SLC35F4: variants seen among roughly 807,000 people sequenced by gnomAD.
SLC35F4 encodes chromosome 14 open reading frame 36.
In SLC35F4, 24 loss-of-function variants were observed where a neutral mutation model predicts 44.2. That is an observed-to-expected ratio of 0.54 (90% confidence interval 0.39 to 0.76). The LOEUF is 0.76. Ranked by LOEUF, SLC35F4 falls within the 30% of genes least tolerant of loss-of-function variation. SLC35F4 has a pLI of 0.00. For missense variants in SLC35F4, 562 were observed against 586.1 expected, an observed-to-expected ratio of 0.96 and a Z score of 0.42; for synonymous variants, 238 against 223.6, an observed-to-expected ratio of 1.06 and a Z score of -0.57.
At chr14:57,637,532 C>A (rs1165094564) in intron 1 of SLC35F4, among the ~76,000 whole-genome samples, 1 of 152,058 alleles carries the variant, frequency 6.6e-6, no homozygotes, top group Non-Finnish European at 1.5e-5. Flanking sequence ...ACGCAAATGT[C>A]CAAATACATA....
rs148612381 is a variant in SLC35F4, at chr14:57,943,451, A to G, written n.282+38462T>C. Among the ~76,000 whole-genome samples, 759 of 152,340 alleles carry G rather than the reference A, an allele frequency of 5.0e-3. 6 individuals carry two copies. Among genetic ancestry groups the G allele is most frequent in the Non-Finnish European group, 8.3e-3 (562 of 68,032 alleles). On this transcript the variant is annotated intron_variant and non_coding_transcript_variant, in intron 1 of 1. Transcript: ENST00000556568. ...CGCTTTCCAAAAAGAGAGAAACTTT[A>G]TATCATTTGTTGTGATATCTGTGAT...
intron 1 of SLC35F4, among the ~76,000 whole-genome samples, chr14:57,791,822 G>C (rs2077926598): frequency 6.6e-6 from 1 of 152,258 alleles, no homozygotes; most frequent in South Asian, 2.1e-4. Flanking sequence ...CAGGGACATG[G>C]ATAAAGCTGG....
At chr14:57,776,364 A>G (rs1349020203) in intron 1 of SLC35F4, among the ~76,000 whole-genome samples, 2 of 152,162 alleles carry the variant, frequency 1.3e-5, no homozygotes, top group South Asian at 2.1e-4. Flanking sequence ...TTCTGAGATC[A>G]AAATGAAAGA....
intron 1 of SLC35F4, among the ~76,000 whole-genome samples, chr14:57,686,804 T>C (rs1361350109): frequency 6.6e-6 from 1 of 152,152 alleles, no homozygotes; most frequent in Non-Finnish European, 1.5e-5. Context: ...TCTTTATTAA[T>C]TATATTTTTA....
intron 1 of SLC35F4, among the ~76,000 whole-genome samples, chr14:57,918,288 C>T (rs1187838856): frequency 1.3e-5 from 2 of 152,070 alleles, no homozygotes; most frequent in East Asian, 1.9e-4. Context: ...ACTTGGCCAC[C>T]CTGAACCTCC....
chr14:57,647,211 T>C (rs2073567815), intron 1 of SLC35F4, among the ~76,000 whole-genome samples: 1 of 150,958 alleles, frequency 6.6e-6, no homozygotes, highest in African/African-American at 2.4e-5. Context: ...TGTCTAATGT[T>C]GACGGTGGGG....
At chr14:57,786,026 T>G (rs1047383833) in intron 1 of SLC35F4, among the ~76,000 whole-genome samples, 1 of 152,106 alleles carries the variant, frequency 6.6e-6, no homozygotes, top group African/African-American at 2.4e-5. Flanking sequence ...GGGCAAGTTT[T>G]CAAGCCCCCC....
chr14:57,926,847 G>T (rs780774898), intron 1 of SLC35F4, among the ~76,000 whole-genome samples: 3 of 152,078 alleles, frequency 2.0e-5, no homozygotes, highest in Non-Finnish European at 4.4e-5. Context: ...GTTTCCAAAA[G>T]ATGTGCCCAA....
intron 1 of SLC35F4, among the ~76,000 whole-genome samples, chr14:57,818,643 A>C (rs1035224227): frequency 6.6e-6 from 1 of 152,198 alleles, no homozygotes; most frequent in African/African-American, 2.4e-5. Context: ...AACAGGTATT[A>C]AAAAATAAAA....
At chr14:57,781,756 T>C (rs958011442) in intron 1 of SLC35F4, among the ~76,000 whole-genome samples, 2 of 152,214 alleles carry the variant, frequency 1.3e-5, no homozygotes, top group African/African-American at 4.8e-5. Flanking sequence ...ATCATGTCCT[T>C]TGCAGGAAAA....
At chr14:57,678,384 A>T (rs529277620) in intron 1 of SLC35F4, among the ~76,000 whole-genome samples, 1 of 152,212 alleles carries the variant, frequency 6.6e-6, no homozygotes, top group Non-Finnish European at 1.5e-5. Context: ...CTAAACATGG[A>T]AAGGAACAAC....
chr14:57,778,742 TA>T (rs137932442), intron 1 of SLC35F4, among the ~76,000 whole-genome samples: 13,479 of 147,040 alleles, frequency 0.092, 676 homozygotes, highest in Middle Eastern at 0.16. Flanking sequence ...CTCAGCAAAT[TA>T]AAAAAAAAAC....
chr14:57,834,413 A>G (rs1884694610), intron 1 of SLC35F4, among the ~76,000 whole-genome samples: 1 of 152,220 alleles, frequency 6.6e-6, no homozygotes, highest in Non-Finnish European at 1.5e-5. Context: ...TACAGTGCAA[A>G]TAGTGTAAAA....
At position 57,624,114 on chromosome 14, in the gene SLC35F4, G is replaced by A. The variant is rs369781190; in HGVS notation, c.104-29990C>T. The stretch of plus-strand genomic sequence containing the variant: ...TAGACACAATAAAAAATGATAAAGG[G>A]GATATCACCACTGATTCCACAGAAA... On this transcript the variant is annotated intron_variant, in intron 1 of 7. Transcript: ENST00000556826. Among the ~76,000 whole-genome samples, 15 of 151,948 alleles carry A rather than the reference G, an allele frequency of 9.9e-5. No individual in the cohort carries two copies. The East Asian group carries it at 2.7e-3, about 27-fold the overall frequency.
intron 1 of SLC35F4, among the ~76,000 whole-genome samples, chr14:57,654,492 T>C (rs960846830): frequency 1.3e-5 from 2 of 152,218 alleles, no homozygotes; most frequent in South Asian, 2.1e-4. Flanking sequence ...CACTCGTTGG[T>C]TGATGGACAT....
At chr14:57,771,450 A>T (rs2077360551) in intron 1 of SLC35F4, among the ~76,000 whole-genome samples, 1 of 152,242 alleles carries the variant, frequency 6.6e-6, no homozygotes, top group Non-Finnish European at 1.5e-5. Flanking sequence ...ATGAATAAAG[A>T]AACTAGCAGG....
intron 3 of SLC35F4, among the ~76,000 whole-genome samples, chr14:57,586,773 C>CAAAAAAAAAAAAAAAAA (rs2069769163): frequency 9.1e-6 from 1 of 109,786 alleles, no homozygotes; most frequent in Non-Finnish European, 1.9e-5. Context: ...ACACCAAAAG[C>CAAAAAAAAAAAAAAAAA]AATGGCAACA....
At chr14:57,758,145 G>GTT (rs972507469) in intron 1 of SLC35F4, among the ~76,000 whole-genome samples, 1 of 151,638 alleles carries the variant, frequency 6.6e-6, no homozygotes, top group Non-Finnish European at 1.5e-5. Context: ...TAAATAATAT[G>GTT]TTTTTTTGTC....
chr14:57,656,793 C>A (rs903448824), intron 1 of SLC35F4, among the ~76,000 whole-genome samples: 3 of 152,100 alleles, frequency 2.0e-5, no homozygotes, highest in African/African-American at 7.2e-5. Context: ...TGCTTAGCAT[C>A]CCTTGCCCCA....
Sources: allele counts gnomAD v4.1 joint callset (sites outside exome capture counted in the v4.1 genomes callset), GRCh38; gene constraint gnomAD v4.1.1; transcripts MANE v1.5; gene names NCBI Gene and HGNC (gene_info 2026-07-23, HGNC 2026-07-21).